CDH9: variants seen among roughly 807,000 people sequenced by gnomAD.
CDH9 encodes cadherin 9.
CDH9 carries 28 observed loss-of-function variants against 70.9 expected under a neutral mutation model. The ratio of observed to expected loss-of-function variants is 0.40; its 90% confidence interval spans 0.29 to 0.54. The LOEUF is 0.54. Among genes scored for constraint, CDH9 ranks in the 20% least tolerant of loss-of-function variants. The pLI, the probability that CDH9 is intolerant of heterozygous loss-of-function variation, is 0.59. For missense variants in CDH9, 874 were observed against 984.4 expected, an observed-to-expected ratio of 0.89 and a Z score of 1.50; for synonymous variants, 409 against 343.1, an observed-to-expected ratio of 1.19 and a Z score of -2.12.
At chr5:27,002,587 G>A (rs1742790085) in intron 1 of CDH9, among the ~76,000 whole-genome samples, 1 of 152,136 alleles carries the variant, frequency 6.6e-6, no homozygotes, top group South Asian at 2.1e-4. Flanking sequence ...ATACTATGCA[G>A]CCATAAAAAA....
chr5:27,017,933 C>T lies in CDH9; in HGVS notation c.-50+20530G>A, dbSNP rs1273684548. Among the ~76,000 whole-genome samples, 7 of 151,430 alleles carry T rather than the reference C, an allele frequency of 4.6e-5. No homozygotes were observed. In the South Asian group the frequency reaches 1.5e-3, roughly 32 times the overall value. On this transcript the variant is annotated intron_variant, in intron 1 of 11. Transcript: ENST00000231021. ...AGTATACATTGTTTTTTTATTTTCT[C>T]ATTTATATTATGCTTTGAAAATTAT...
At chr5:27,022,759 T>C (rs1240677054) in intron 1 of CDH9, among the ~76,000 whole-genome samples, 1 of 151,976 alleles carries the variant, frequency 6.6e-6, no homozygotes, top group African/African-American at 2.4e-5. Flanking sequence ...AAGACTGATA[T>C]CCATGTGGGA....
At position 26,914,373 on chromosome 5, in the gene CDH9, G is replaced by A. The variant is rs546961075; in HGVS notation, c.523+1257C>T. ...AAACATGGTATGTGTTTAAATTAGC[G>A]CACTGGTCGACCTATACAAACCAAT... On this transcript the variant is annotated intron_variant, in intron 3 of 11. Transcript: ENST00000231021. Among the ~76,000 whole-genome samples, 7 of 151,332 alleles carry A rather than the reference G, an allele frequency of 4.6e-5. No homozygotes were observed. In the South Asian group the frequency reaches 1.0e-3, roughly 23 times the overall value.
intron 2 of CDH9, among the ~76,000 whole-genome samples, chr5:26,964,581 A>C (rs1209112540): frequency 6.6e-6 from 1 of 152,172 alleles, no homozygotes; most frequent in Non-Finnish European, 1.5e-5. Context: ...CTTAGCACGC[A>C]GTTTCATCAC....
chr5:27,001,838 A>T (rs1310046469), intron 1 of CDH9, among the ~76,000 whole-genome samples: 203 of 123,162 alleles, frequency 1.6e-3, no homozygotes, highest in African/African-American at 7.3e-3. Flanking sequence ...ATACACACAC[A>T]CACACACTCT....
At chr5:26,981,060 T>A (rs1481385705) in intron 2 of CDH9, among the ~76,000 whole-genome samples, 4 of 152,100 alleles carry the variant, frequency 2.6e-5, no homozygotes, top group Non-Finnish European at 5.9e-5. Flanking sequence ...TGGTTTTTTG[T>A]TGGTGGAAGA....
At chr5:26,981,555 A>G (rs1742399657) in intron 2 of CDH9, among the ~76,000 whole-genome samples, 1 of 152,136 alleles carries the variant, frequency 6.6e-6, no homozygotes, top group Non-Finnish European at 1.5e-5. Flanking sequence ...TACTAAAAAT[A>G]TCAGCTAAAA....
At chr5:26,981,801 A>G (rs1273842455) in intron 2 of CDH9, among the ~76,000 whole-genome samples, 1 of 152,136 alleles carries the variant, frequency 6.6e-6, no homozygotes, top group Admixed American at 6.6e-5. Flanking sequence ...CAAAAATAAA[A>G]CCAATAAATA....
Position 26,988,186 on chromosome 5 carries a change from G to A in CDH9, c.148C>T (p.Arg50Cys), listed in dbSNP as rs1742518967. The part of the protein sequence containing the change: ...LTKDDGKMLR[R>C]TKRGWMWNQF... Reference sequence around the variant, plus strand: ...TTCCACATCCAGCCACGCTTGGTGCGACGTAGCATTTTACCGTCATCTTTT... The same window carrying A: ...TTCCACATCCAGCCACGCTTGGTGCAACGTAGCATTTTACCGTCATCTTTT... The change falls in exon 2 of 12, where the codon CGC becomes TGC. Residue 50 changes from arginine (R) to cysteine (C), a missense_variant. Arg to Cys is a radical substitution (Grantham distance 180). Transcript: ENST00000231021. 1.2e-6 allele frequency: 2 copies of A among 1,613,412 alleles called. No homozygotes were observed. The highest frequency in any genetic ancestry group is 1.7e-6 in the Non-Finnish European group (2 of 1,179,626).
rs895180917 is a variant in CDH9 at position 27,035,096 on chromosome 5, C to A, written c.-50+3367G>T. Among the ~76,000 whole-genome samples, 8 of 150,288 alleles carry A rather than the reference C, an allele frequency of 5.3e-5. No individual in the cohort carries two copies. The Admixed American group carries it at 5.3e-4, about 10-fold the overall frequency. ...TCCTCTATGTATCTGTCTATCATCT[C>A]TTTATGTATTTTTCTATATTTCCAA... On this transcript the variant is annotated intron_variant, in intron 1 of 11. Coordinates refer to ENST00000231021, the MANE Select transcript of CDH9 (RefSeq NM_016279.4).
At chr5:26,962,653 A>G (rs1407893044) in intron 2 of CDH9, among the ~76,000 whole-genome samples, 2 of 152,012 alleles carry the variant, frequency 1.3e-5, no homozygotes, top group Non-Finnish European at 2.9e-5. Flanking sequence ...CCTTTTTACT[A>G]ACAACCTGAA....
intron 2 of CDH9, among the ~76,000 whole-genome samples, chr5:26,984,732 C>G (rs1470141265): frequency 1.3e-5 from 2 of 152,064 alleles, no homozygotes; most frequent in Non-Finnish European, 2.9e-5. Context: ...TATAGAGAAG[C>G]TAGATGACAA....
intron 2 of CDH9, among the ~76,000 whole-genome samples, chr5:26,943,326 A>C (rs1440792744): frequency 3.9e-5 from 6 of 152,130 alleles, no homozygotes; most frequent in African/African-American, 1.2e-4. Context: ...AGCCTGACCA[A>C]CATGGAAAAA....
intron 2 of CDH9, among the ~76,000 whole-genome samples, chr5:26,948,762 T>C (rs1352736571): frequency 6.6e-6 from 1 of 152,196 alleles, no homozygotes. Flanking sequence ...AATAGGCAAT[T>C]GAAACACTTG....
chr5:26,953,576 C>G (rs1162205819), intron 2 of CDH9, among the ~76,000 whole-genome samples: 1 of 152,152 alleles, frequency 6.6e-6, no homozygotes, highest in Admixed American at 6.5e-5. Context: ...TATTTAAATG[C>G]CTGCCTTGCA....
intron 1 of CDH9, among the ~76,000 whole-genome samples, chr5:26,989,526 C>CTCTCTCTCTT (rs1742546240): frequency 2.0e-5 from 3 of 151,586 alleles, no homozygotes; most frequent in Non-Finnish European, 4.4e-5. Context: ...CTCTCTCTCT[C>CTCTCTCTCTT]TCTCTCTCTT....
intron 2 of CDH9, among the ~76,000 whole-genome samples, chr5:26,927,098 C>A (rs2112019281): frequency 6.6e-6 from 1 of 151,974 alleles, no homozygotes; most frequent in Admixed American, 6.6e-5. Flanking sequence ...GATGGTTCAG[C>A]ACATGCAACC....
rs991771291 is a variant in CDH9, at chr5:26,986,427, T to C, written c.228+1679A>G. ...TATGGAATTAATTAAAAAGGAAGCA[T>C]GATTGCACACAAAATTTTAAACTAT... is the stretch of plus-strand genomic sequence containing the variant. On this transcript the variant is annotated intron_variant, in intron 2 of 11. Transcript: ENST00000231021. Among the ~76,000 whole-genome samples, 2 of 152,110 alleles carry C rather than the reference T, an allele frequency of 1.3e-5. 1 individual carries two copies. Among genetic ancestry groups the C allele is most frequent in the Non-Finnish European group, 2.9e-5 (2 of 67,978 alleles).
At chr5:26,984,564 T>G (rs919389732) in intron 2 of CDH9, among the ~76,000 whole-genome samples, 1 of 152,168 alleles carries the variant, frequency 6.6e-6, no homozygotes, top group African/African-American at 2.4e-5. Flanking sequence ...GCAGGGATTA[T>G]TCTGGACTTT....
Sources: gnomAD v4.1 joint callset for allele counts (sites outside exome capture counted in the v4.1 genomes callset) on GRCh38, gnomAD v4.1.1 for gene constraint, MANE v1.5 for transcripts, NCBI Gene and HGNC (gene_info 2026-07-23, HGNC 2026-07-21) for gene names.